Variants in FHIT observed in about 807,000 individuals in gnomAD.
FHIT encodes fragile histidine triad diadenosine triphosphatase, also known as bis(5'-adenosyl)-triphosphatase.
FHIT carries 19 observed loss-of-function variants against 17.9 expected under a neutral mutation model. The observed-to-expected ratio is 1.06, with a 90% CI of 0.74 to 1.56. The LOEUF (loss-of-function observed/expected upper bound fraction) is 1.56. Among genes scored for constraint, FHIT ranks in the 40% most tolerant of loss-of-function variants. The pLI is 0.00. For synonymous variants in FHIT, 81 were observed against 69.7 expected, an observed-to-expected ratio of 1.16 and a Z score of -0.81; for missense variants, 248 against 189.2, an observed-to-expected ratio of 1.31 and a Z score of -1.82.
intron 3 of FHIT, among the ~76,000 whole-genome samples, chr3:60,930,764 G>T (rs1315695559): frequency 2.6e-5 from 4 of 152,156 alleles, no homozygotes; most frequent in African/African-American, 9.7e-5. Flanking sequence ...TACACTGTTG[G>T]TGGGACTGTA....
At chr3:60,366,937 G>T (rs1382799726) in intron 5 of FHIT, among the ~76,000 whole-genome samples, 25 of 152,080 alleles carry the variant, frequency 1.6e-4, no homozygotes, top group Admixed American at 1.6e-3. Context: ...ATAGGTTGAG[G>T]CTATACCTAT....
At chr3:61,155,599 T>TC (rs1343582069) in intron 2 of FHIT, among the ~76,000 whole-genome samples, 3 of 152,224 alleles carry the variant, frequency 2.0e-5, no homozygotes, top group Non-Finnish European at 2.9e-5. Context: ...CTCCTTTTTT[T>TC]CTTCTTCGTT....
chr3:59,958,046 C>T (rs1341508436), intron 7 of FHIT, among the ~76,000 whole-genome samples: 1 of 152,206 alleles, frequency 6.6e-6, no homozygotes, highest in East Asian at 1.9e-4. Flanking sequence ...GGTGACCATA[C>T]CATATGCAAG....
intron 5 of FHIT, among the ~76,000 whole-genome samples, chr3:60,509,007 G>A (rs868036103): frequency 1.3e-5 from 2 of 152,068 alleles, no homozygotes; most frequent in South Asian, 2.1e-4. Flanking sequence ...ACATATCTGT[G>A]GTGTCTACCA....
chr3:60,557,667 A>G (rs994677432), intron 4 of FHIT, among the ~76,000 whole-genome samples: 1 of 151,900 alleles, frequency 6.6e-6, no homozygotes, highest in African/African-American at 2.4e-5. Context: ...GAGCAATGCT[A>G]CTTCAAGCAT....
intron 4 of FHIT, among the ~76,000 whole-genome samples, chr3:60,646,923 T>G (rs1313454973): frequency 1.3e-5 from 2 of 152,186 alleles, no homozygotes; most frequent in Non-Finnish European, 2.9e-5. Context: ...AGAGCGAAAC[T>G]GCAATGCTAT....
chr3:60,492,726 T>C (rs936548166), intron 5 of FHIT, among the ~76,000 whole-genome samples: 6 of 151,982 alleles, frequency 3.9e-5, no homozygotes, highest in South Asian at 2.1e-4. Flanking sequence ...AGGCTGGTCT[T>C]GAACTCCTGA....
At chr3:59,810,238 G>A (rs1014060433) in intron 8 of FHIT, among the ~76,000 whole-genome samples, 1 of 152,116 alleles carries the variant, frequency 6.6e-6, no homozygotes, top group African/African-American at 2.4e-5. Context: ...AAACAGCATG[G>A]AGCATCCCAG....
chr3:61,141,573 T>G (rs2037082348), intron 2 of FHIT, among the ~76,000 whole-genome samples: 1 of 144,488 alleles, frequency 6.9e-6, no homozygotes, highest in Non-Finnish European at 1.6e-5. Flanking sequence ...AATGAGAATG[T>G]GTCTCAGAAA....
chr3:60,250,433 T>G (rs1705639287), intron 5 of FHIT, among the ~76,000 whole-genome samples: 1 of 152,294 alleles, frequency 6.6e-6, no homozygotes, highest in East Asian at 1.9e-4. Context: ...AGTTGGTTCC[T>G]AAGGACCCCC....
At position 60,791,477 on chromosome 3, in the gene FHIT, AC is replaced by A. The variant is rs149030792; in HGVS notation, c.-18+30441del. On this transcript the variant is annotated intron_variant, in intron 4 of 9. Transcript: ENST00000492590. ...TGGGCTAAGCATAAGCTAAATGACT[AC>A]CTTGGAAGAACTCCAACTAAGAAGT... Among the ~76,000 whole-genome samples, 907 of 152,316 alleles carry A rather than the reference AC, an allele frequency of 6.0e-3. 8 individuals carry two copies. The highest frequency in any genetic ancestry group is 0.021 in the African/African-American group (859 of 41,566).
At chr3:60,688,569 T>C (rs1357543350) in intron 4 of FHIT, among the ~76,000 whole-genome samples, 1 of 151,912 alleles carries the variant, frequency 6.6e-6, no homozygotes, top group Non-Finnish European at 1.5e-5. Context: ...GTAGCTGGGA[T>C]TACAGGCACT....
At chr3:60,094,010 C>A (rs1703837641) in intron 5 of FHIT, among the ~76,000 whole-genome samples, 1 of 152,192 alleles carries the variant, frequency 6.6e-6, no homozygotes, top group Admixed American at 6.5e-5. Context: ...AGAATCCTAT[C>A]TTATTTTGCT....
intron 5 of FHIT, among the ~76,000 whole-genome samples, chr3:60,299,617 G>A (rs184278676): frequency 2.6e-4 from 39 of 152,148 alleles, no homozygotes; most frequent in Admixed American, 7.9e-4. Context: ...GCCTCTTCTG[G>A]TATCACCCCT....
chr3:60,131,067 GTATGTA>G (rs1699573819), intron 5 of FHIT, among the ~76,000 whole-genome samples: 9 of 41,412 alleles, frequency 2.2e-4, no homozygotes, highest in Non-Finnish European at 3.1e-4. Context: ...ACATACACAT[GTATGTA>G]TGTATACACA....
At chr3:60,310,484 C>G (rs1369210361) in intron 5 of FHIT, among the ~76,000 whole-genome samples, 1 of 151,906 alleles carries the variant, frequency 6.6e-6, no homozygotes, top group Non-Finnish European at 1.5e-5. Context: ...TTTCCCCCAC[C>G]CTAGGCCTAG....
At chr3:60,721,878 A>G (rs1553708149) in intron 4 of FHIT, among the ~76,000 whole-genome samples, 3 of 152,178 alleles carry the variant, frequency 2.0e-5, no homozygotes, top group Non-Finnish European at 4.4e-5. Flanking sequence ...TTAAACTAAC[A>G]ATAGTACATC....
intron 8 of FHIT, among the ~76,000 whole-genome samples, chr3:59,889,569 A>G (rs1397595470): frequency 6.6e-6 from 1 of 152,222 alleles, no homozygotes; most frequent in Non-Finnish European, 1.5e-5. Flanking sequence ...TACCCTCCTT[A>G]TAACAGAGAG....
intron 4 of FHIT, among the ~76,000 whole-genome samples, chr3:60,711,165 G>A (rs1553705017): frequency 6.6e-6 from 1 of 152,104 alleles, no homozygotes; most frequent in African/African-American, 2.4e-5. Context: ...ACACAAACAG[G>A]GTCTGGAGTG....
Sources: allele counts gnomAD v4.1 joint callset (sites outside exome capture counted in the v4.1 genomes callset), GRCh38; gene constraint gnomAD v4.1.1; transcripts MANE v1.5; gene names NCBI Gene and HGNC (gene_info 2026-07-23, HGNC 2026-07-21).